BOD1L1: variants seen among roughly 807,000 people sequenced by gnomAD.
BOD1L1 encodes biorientation of chromosomes in cell division 1 like 1.
A neutral mutation model predicts 240.7 loss-of-function variants in BOD1L1; 86 were observed. The ratio of observed to expected loss-of-function variants is 0.36; its 90% CI spans 0.30 to 0.43. BOD1L1 has a LOEUF of 0.43. BOD1L1 is among the 20% of genes least tolerant of loss of function. The pLI, the probability that BOD1L1 is intolerant of heterozygous loss-of-function variation, is 1.00. For missense variants in BOD1L1, 3,554 were observed against 3,643.5 expected (o/e 0.98, Z 0.63); for synonymous variants, 1,268 against 1,272.3 (o/e 1.00, Z 0.07).
intron 9 of BOD1L1, among the ~76,000 whole-genome samples, chr4:13,606,509 C>T (rs566498414): frequency 1.8e-4 from 27 of 152,088 alleles, no homozygotes; most frequent in African/African-American, 4.8e-4. Flanking sequence ...GTTTGTCCCA[C>T]GAAAATAATC....
intron 16 of BOD1L1, among the ~76,000 whole-genome samples, chr4:13,587,238 T>C (rs543700361): frequency 3.3e-4 from 50 of 152,356 alleles, no homozygotes; most frequent in African/African-American, 1.1e-3. Flanking sequence ...GGCTAGTAGC[T>C]TCTGTATTAG....
At position 13,569,188 on chromosome 4, in the gene BOD1L1, C is replaced by CTTCT. The variant is rs1711995850; in HGVS notation, c.*822_*823insAGAA. ...AGTATTGGTAGAAGCTTCAGAACAG[C>CTTCT]ACAGAAGAGGAATGAACACAGAGAA... is the stretch of plus-strand genomic sequence containing the variant. On this transcript the variant is annotated 3_prime_UTR_variant, in exon 26 of 26. Transcript: ENST00000040738. 3.3e-5 allele frequency: 5 copies of CTTCT among 152,210 alleles called. No individual in the cohort carries two copies. The highest frequency in any genetic ancestry group is 9.6e-5 in the African/African-American group (4 of 41,532). 9.4% of individuals were successfully genotyped at this position (152,210 alleles called of 1,614,324 possible). A position where few individuals can be genotyped will look rare whatever the true frequency, so the allele number is the denominator to read the frequency against.
chr4:13,621,779 C>G (rs560459446), intron 1 of BOD1L1, among the ~76,000 whole-genome samples: 1 of 152,160 alleles, frequency 6.6e-6, no homozygotes, highest in South Asian at 2.1e-4. Context: ...ATTTTCAGGC[C>G]TTTGCTGATA....
In BOD1L1 at chr4:13,569,910, CATATCTTTTTCCTGGTTAAAGAGAAGCCT is replaced by C; in HGVS notation, c.*72_*100del. The C allele has an allele frequency of 2.6e-6, 2 of 771,442 alleles. No homozygotes were observed. The highest frequency in any genetic ancestry group is 3.8e-6 in the Non-Finnish European group (2 of 525,084). 47.8% of individuals were successfully genotyped at this position (771,442 alleles called of 1,614,324 possible). A position where few individuals can be genotyped will look rare whatever the true frequency, so the allele number is the denominator to read the frequency against. The stretch of plus-strand genomic sequence containing the variant: ...TGCACCTAGGGACTTACAGCACATG[CATATCTTTTTCCTGGTTAAAGAGAAGCCT>C]ATGGCCACCAAGGCATGTCTCTTTC... On this transcript the variant is annotated 3_prime_UTR_variant, in exon 26 of 26. Transcript: ENST00000040738.
At chr4:13,591,314 T>G (rs1187733377) in intron 13 of BOD1L1, among the ~76,000 whole-genome samples, 4 of 152,192 alleles carry the variant, frequency 2.6e-5, no homozygotes, top group African/African-American at 9.6e-5. Context: ...AACAGAGTGC[T>G]TGATGAGGAA....
chr4:13,603,898 T>C lies in BOD1L1; in HGVS notation c.3002A>G (p.Tyr1001Cys), dbSNP rs753492728. 3 of 1,613,884 alleles carry C rather than the reference T, an allele frequency of 1.9e-6. No individual in the cohort carries two copies. The highest frequency in any genetic ancestry group is 2.5e-6 in the Non-Finnish European group (3 of 1,179,896). Reference protein sequence around the residue: ...RAKLPLAKEKYKSDKDSTSTR... With the variant: ...RAKLPLAKEKCKSDKDSTSTR... Reference sequence around the variant, plus strand: ...GGAAGTGGAGTCTTTATCACTCTTATATTTCTCCTTTGCTAATGGTAACTT... The same window carrying C: ...GGAAGTGGAGTCTTTATCACTCTTACATTTCTCCTTTGCTAATGGTAACTT... The change falls in exon 10 of 26, where the codon TAT becomes TGT. Residue 1001 changes from tyrosine to cysteine, a missense_variant. Tyr to Cys is a radical substitution (Grantham distance 194). This residue lies in a region of BOD1L1 where 3,393 missense variants were observed against 3,427.1 expected (regional missense o/e 0.99). Transcript: ENST00000040738.
chr4:13,598,844 T>C (rs748710437), intron 10 of BOD1L1, 102 bp downstream of exon 10: 97 of 1,246,856 alleles, frequency 7.8e-5, no homozygotes, highest in Middle Eastern at 2.0e-4. Context: ...TATTTTATCT[T>C]TCTGGAACCA....
Position 13,601,240 on chromosome 4 carries a change from G to C in BOD1L1, c.5660C>G (p.Thr1887Arg). The change falls in exon 10 of 26, where the codon ACA (threonine) becomes AGA (arginine). Residue 1887 changes from threonine (T) to arginine (R), a missense_variant. By Grantham distance (71) the Thr-to-Arg change is moderately conservative. Around this residue, in one of 2 missense-constraint regions of BOD1L1, gnomAD observed 3,393 missense variants for 3,427.1 expected, o/e 0.99. Transcript: ENST00000040738. ...CCCTTCACTTTCTTCTCCTAACCCT[G>C]TACAAGTTGAAGCATGCCCAATTTC... ...GNEIGHASTC[T>R]GLGEESEGVL... The C allele has an allele frequency of 6.2e-7, 1 of 1,613,876 alleles. No homozygotes were observed.
intron 17 of BOD1L1, among the ~76,000 whole-genome samples, chr4:13,584,489 C>A (rs766866065): frequency 1.4e-5 from 2 of 138,604 alleles, no homozygotes; most frequent in Non-Finnish European, 1.6e-5. Context: ...TGTGTTGGAG[C>A]GAGTTTAGGA....
Position 13,588,752 on chromosome 4 carries a change from G to C in BOD1L1, c.8250C>G (p.Ser2750Arg), listed in dbSNP as rs185238194. 6.2e-7 allele frequency: 1 copy of C among 1,604,394 alleles called. No homozygotes were observed. The highest frequency in any genetic ancestry group is 8.5e-7 in the Non-Finnish European group (1 of 1,175,158). The change falls in exon 15 of 26, where the codon AGC becomes AGG. Residue 2750 changes from serine to arginine, a missense_variant. Coordinates refer to ENST00000040738, the MANE Select transcript of BOD1L1 (RefSeq NM_148894.3). Reference sequence around the variant, plus strand: ...TAGGATCTGCTTCAACACTGTGACCGCTTATGGCTTCTGCGTTGTCTTTTC... The same window carrying C: ...TAGGATCTGCTTCAACACTGTGACCCCTTATGGCTTCTGCGTTGTCTTTTC... ...SGRKDNAEAI[S>R]GHSVEADPKE... is the part of the protein sequence containing the mutation.
intron 2 of BOD1L1, among the ~76,000 whole-genome samples, chr4:13,618,739 G>C (rs1716807576): frequency 1.3e-5 from 2 of 152,058 alleles, no homozygotes; most frequent in Admixed American, 6.6e-5. Context: ...TTTTAGTCAG[G>C]GTGTGAATTT....
chr4:13,581,384 T>C (rs947219012), intron 19 of BOD1L1, among the ~76,000 whole-genome samples, 177 bp from the exon 20 acceptor site: 1 of 152,204 alleles, frequency 6.6e-6, no homozygotes, highest in Non-Finnish European at 1.5e-5. Flanking sequence ...GATCTCACCA[T>C]TGCTTCTTCA....
chr4:13,594,667 C>T (rs1048801165), intron 12 of BOD1L1, among the ~76,000 whole-genome samples: 3 of 152,102 alleles, frequency 2.0e-5, no homozygotes, highest in Admixed American at 1.3e-4. Context: ...GAGGCCAAGG[C>T]GGGCGGATCA....
At chr4:13,587,428 C>G (rs77337617) in intron 16 of BOD1L1, among the ~76,000 whole-genome samples, 3,219 of 152,220 alleles carry the variant, frequency 0.021, 119 homozygotes, top group African/African-American at 0.074. Flanking sequence ...GTAGTGGCAC[C>G]TGGCTGGGCT....
chr4:13,578,809 A>G (rs1712986136), intron 22 of BOD1L1, among the ~76,000 whole-genome samples: 1 of 152,264 alleles, frequency 6.6e-6, no homozygotes, highest in Non-Finnish European at 1.5e-5. Context: ...TTAGAGTCAC[A>G]TAACTAACAA....
At chr4:13,597,078 C>T in intron 11 of BOD1L1, 26 bp downstream of exon 11, 6 of 1,555,104 alleles carry the variant, frequency 3.9e-6, no homozygotes, top group Non-Finnish European at 5.3e-6. Flanking sequence ...ACTTACAGTT[C>T]AGCACAGCTG....
At chr4:13,577,793 C>T in intron 22 of BOD1L1, 162 bp from the exon 23 acceptor site, 1 of 519,682 alleles carries the variant, frequency 1.9e-6, no homozygotes, top group East Asian at 3.2e-5. Flanking sequence ...GAATACCTAG[C>T]AGAGATCACA....
At position 13,576,824 on chromosome 4, in the gene BOD1L1, G is replaced by A; in HGVS notation, c.9038+14C>T. The A allele has an allele frequency of 1.2e-6, 2 of 1,611,640 alleles. No homozygotes were observed. Among genetic ancestry groups the A allele is most frequent in the Non-Finnish European group, 1.7e-6 (2 of 1,179,124 alleles). ...TGGTGAAGGTCTCTGGCAGCTCTGT[G>A]CTGCCCCCATTACCTCTGAGCCTCT... is the stretch of plus-strand genomic sequence containing the variant. On this transcript the variant is annotated intron_variant, in intron 25 of 25. Coordinates refer to ENST00000040738, the MANE Select transcript of BOD1L1 (RefSeq NM_148894.3).
intron 25 of BOD1L1, chr4:13,572,775 T>C (rs1712322810): frequency 1.6e-6 from 2 of 1,289,840 alleles, no homozygotes; most frequent in African/African-American, 3.0e-5. Context: ...TGGCGATTTC[T>C]AGGAGAAACT....
Sources: allele counts gnomAD v4.1 joint callset (sites outside exome capture counted in the v4.1 genomes callset), GRCh38; gene constraint gnomAD v4.1.1; regional missense constraint gnomAD v4.1.1; transcripts MANE v1.5; gene names NCBI Gene and HGNC (gene_info 2026-07-23, HGNC 2026-07-21).